RNF152: variants seen among roughly 807,000 people sequenced by gnomAD.
RNF152 encodes ring finger protein 152.
RNF152 carries 11 observed loss-of-function variants against 12.7 expected under a neutral mutation model. The ratio of observed to expected loss-of-function variants is 0.86; its 90% CI spans 0.54 to 1.43. The LOEUF is 1.43. RNF152 is among the 40% of genes most tolerant of loss of function. The pLI, the probability that RNF152 is intolerant of heterozygous loss-of-function variation, is 0.00. For synonymous variants in RNF152, 113 were observed against 120.3 expected, an observed-to-expected ratio of 0.94 and a Z score of 0.40; for missense variants, 255 against 274.8, an observed-to-expected ratio of 0.93 and a Z score of 0.51.
chr18:61,889,199 T>A (rs1335732125), intron 1 of RNF152, among the ~76,000 whole-genome samples: 1 of 152,170 alleles, frequency 6.6e-6, no homozygotes, highest in African/African-American at 2.4e-5. Context: ...CCTCCCTAGG[T>A]TGATACTGAT....
At chr18:61,819,958 T>C (rs1030918448) in intron 1 of RNF152, among the ~76,000 whole-genome samples, 5 of 148,626 alleles carry the variant, frequency 3.4e-5, no homozygotes, top group African/African-American at 1.2e-4. Context: ...GAGGCGGAGA[T>C]TGCAGTGAGG....
intron 1 of RNF152, among the ~76,000 whole-genome samples, chr18:61,828,876 A>G (rs1909795172): frequency 6.6e-6 from 1 of 152,194 alleles, no homozygotes; most frequent in South Asian, 2.1e-4. Flanking sequence ...CTTGATGTGA[A>G]GAAACTACAG....
intron 1 of RNF152, among the ~76,000 whole-genome samples, chr18:61,850,862 A>G (rs1910939290): frequency 1.3e-5 from 2 of 152,184 alleles, no homozygotes; most frequent in African/African-American, 2.4e-5. Context: ...GTACACACGT[A>G]CTCAGGAAGC....
intron 1 of RNF152, among the ~76,000 whole-genome samples, chr18:61,818,388 A>C (rs1909216337): frequency 6.6e-6 from 1 of 152,106 alleles, no homozygotes; most frequent in African/African-American, 2.4e-5. Flanking sequence ...GCACCACTGC[A>C]CTCCAGCCTG....
intron 1 of RNF152, among the ~76,000 whole-genome samples, chr18:61,836,776 C>T (rs1272005024): frequency 1.3e-5 from 2 of 151,588 alleles, no homozygotes; most frequent in Non-Finnish European, 2.9e-5. Context: ...GGGAAACATA[C>T]AGAAAAAGAA....
At chr18:61,875,405 G>A (rs368514657) in intron 1 of RNF152, among the ~76,000 whole-genome samples, 2 of 152,152 alleles carry the variant, frequency 1.3e-5, no homozygotes, top group Non-Finnish European at 2.9e-5. Flanking sequence ...AAATTTAATT[G>A]TCAGTGCATG....
At chr18:61,854,972 C>T (rs1911155097) in intron 1 of RNF152, among the ~76,000 whole-genome samples, 2 of 152,168 alleles carry the variant, frequency 1.3e-5, no homozygotes, top group African/African-American at 4.8e-5. Flanking sequence ...TACAAAATAC[C>T]AGCAATAGGG....
At chr18:61,858,855 G>A (rs148888456) in intron 1 of RNF152, among the ~76,000 whole-genome samples, 77 of 152,270 alleles carry the variant, frequency 5.1e-4, no homozygotes, top group Non-Finnish European at 1.0e-3. Flanking sequence ...CAGAGATCCC[G>A]TTTTAATAGG....
At chr18:61,854,076 G>A (rs1409154076) in intron 1 of RNF152, among the ~76,000 whole-genome samples, 2 of 152,116 alleles carry the variant, frequency 1.3e-5, no homozygotes, top group East Asian at 1.9e-4. Context: ...CAAGCCCCAC[G>A]TTCTTTCTGC....
chr18:61,886,490 A>G (rs1006576152), intron 1 of RNF152, among the ~76,000 whole-genome samples: 1 of 152,216 alleles, frequency 6.6e-6, no homozygotes, highest in African/African-American at 2.4e-5. Flanking sequence ...GAGATATTTG[A>G]TGCTTTAATA....
At chr18:61,849,359 T>C (rs1910871600) in intron 1 of RNF152, among the ~76,000 whole-genome samples, 1 of 152,234 alleles carries the variant, frequency 6.6e-6, no homozygotes, top group Non-Finnish European at 1.5e-5. Context: ...CCTGGACCCA[T>C]AATTACTTTT....
chr18:61,874,062 TA>T (rs1025791770), intron 1 of RNF152, among the ~76,000 whole-genome samples: 5 of 152,368 alleles, frequency 3.3e-5, no homozygotes, highest in African/African-American at 1.2e-4. Flanking sequence ...GTACTTTGTC[TA>T]ATTAATTTAA....
intron 1 of RNF152, among the ~76,000 whole-genome samples, chr18:61,846,578 G>T (rs961994129): frequency 6.6e-6 from 1 of 152,096 alleles, no homozygotes; most frequent in Non-Finnish European, 1.5e-5. Context: ...TCCTTTCCCC[G>T]CAACACTCTT....
chr18:61,829,219 G>C (rs996857307), intron 1 of RNF152, among the ~76,000 whole-genome samples: 4 of 152,160 alleles, frequency 2.6e-5, no homozygotes, highest in Non-Finnish European at 5.9e-5. Flanking sequence ...TCACTGTAAG[G>C]GGAGGCAGGA....
chr18:61,878,264 A>G (rs903018755), intron 1 of RNF152, among the ~76,000 whole-genome samples: 7 of 152,166 alleles, frequency 4.6e-5, no homozygotes, highest in Non-Finnish European at 7.3e-5. Flanking sequence ...GACAACTGAT[A>G]CCTAGTGGGT....
At chr18:61,850,857 C>T (rs1310021791) in intron 1 of RNF152, among the ~76,000 whole-genome samples, 1 of 152,156 alleles carries the variant, frequency 6.6e-6, no homozygotes, top group Non-Finnish European at 1.5e-5. Context: ...GTGAGGTACA[C>T]ACGTACTCAG....
At chr18:61,849,002 G>C (rs771298942) in intron 1 of RNF152, among the ~76,000 whole-genome samples, 1 of 152,200 alleles carries the variant, frequency 6.6e-6, no homozygotes, top group African/African-American at 2.4e-5. Flanking sequence ...GGGGAGAACA[G>C]GGAAGGGGAG....
intron 1 of RNF152, among the ~76,000 whole-genome samples, chr18:61,865,459 G>C (rs1911683244): frequency 6.6e-6 from 1 of 152,188 alleles, no homozygotes; most frequent in South Asian, 2.1e-4. Context: ...TCTAAGCAGT[G>C]ATTCATGGCT....
chr18:61,820,895 T>C (rs1472028760), intron 1 of RNF152, among the ~76,000 whole-genome samples: 2 of 152,110 alleles, frequency 1.3e-5, no homozygotes, highest in Non-Finnish European at 2.9e-5. Context: ...CCAAAGTCAT[T>C]TACCTTCTCT....
Sources: gnomAD v4.1 joint callset for allele counts (sites outside exome capture counted in the v4.1 genomes callset) on GRCh38, gnomAD v4.1.1 for gene constraint, MANE v1.5 for transcripts, NCBI Gene and HGNC (gene_info 2026-07-23, HGNC 2026-07-21) for gene names.